SNX25: variants seen among roughly 807,000 people sequenced by gnomAD.
SNX25 encodes sorting nexin-25.
In SNX25, 62 loss-of-function variants were observed where a neutral mutation model predicts 113.7. That is an observed-to-expected ratio of 0.55 (90% CI 0.44 to 0.67). SNX25 has a LOEUF of 0.67. SNX25 is among the 30% of genes least tolerant of loss of function. SNX25 has a pLI of 0.00. For missense variants in SNX25, 1,014 were observed against 1,161.0 expected (o/e 0.87, Z 1.84); for synonymous variants, 421 against 436.2 (o/e 0.97, Z 0.43).
At position 185,227,962 on chromosome 4, in the gene SNX25, G is replaced by T. The variant is rs184862215; in HGVS notation, c.429+17707G>T. Among the ~76,000 whole-genome samples, 9 of 152,228 alleles carry T rather than the reference G, an allele frequency of 5.9e-5. No homozygotes were observed. In the East Asian group the frequency reaches 1.2e-3, roughly 20 times the overall value. ...AGGAGAGAAAGAGCATTTAGAGGCC[G>T]TGAGATGAAGAGAGAAGCTCAGAGA... is the stretch of plus-strand genomic sequence containing the variant. On this transcript the variant is annotated intron_variant, in intron 1 of 18. Coordinates refer to ENST00000652585, the MANE Select transcript of SNX25 (RefSeq NM_001378034.2).
rs774379820 is a variant in SNX25, at chr4:185,310,799, G to A, written c.1327G>A (p.Gly443Arg). The change falls in exon 7 of 19, where the codon GGG becomes AGG. Residue 443 changes from glycine (G) to arginine (R), a missense_variant. Gly to Arg is a moderately radical substitution (Grantham distance 125, BLOSUM62 -2). Transcript: ENST00000652585. ...GGATGGGGCCCTGGATGAGGGGGAA[G>A]GGCCTCAAAGCCAGAAGGTAGAACT... Reference protein sequence around the residue: ...QEDGALDEGEGPQSQKILQFE... With the variant: ...QEDGALDEGERPQSQKILQFE... 6.2e-6 allele frequency: 10 copies of A among 1,611,382 alleles called. No individual in the cohort carries two copies. Among genetic ancestry groups the A allele is most frequent in the Non-Finnish European group, 7.6e-6 (9 of 1,178,930 alleles).
At chr4:185,374,218 T>C (rs868704906), downstream of SNX25, 1 of 1,614,192 alleles carries the variant, frequency 6.2e-7, no homozygotes, top group Non-Finnish European at 8.5e-7. Context: ...GGATTTCCAT[T>C]GTCTGCTGCG....
At chr4:185,329,597 G>A (rs569658048) in intron 9 of SNX25, among the ~76,000 whole-genome samples, 1 of 152,320 alleles carries the variant, frequency 6.6e-6, no homozygotes, top group South Asian at 2.1e-4. Context: ...TTACGAATCG[G>A]CTGGATTAGT....
chr4:185,368,197 C>T (rs2095398139), downstream of SNX25, among the ~76,000 whole-genome samples: 1 of 152,058 alleles, frequency 6.6e-6, no homozygotes, highest in African/African-American at 2.4e-5. Flanking sequence ...AAAACTTTCC[C>T]TTATTTTAGG....
downstream of SNX25, chr4:185,364,644 GA>G (rs773380734): frequency 4.7e-4 from 72 of 152,078 alleles, no homozygotes; most frequent in Non-Finnish European, 7.9e-4. Context: ...TTATCCTTAA[GA>G]TTTTTTTAGT....
intron 9 of SNX25, among the ~76,000 whole-genome samples, chr4:185,329,031 C>T (rs1008231339): frequency 5.3e-5 from 8 of 151,902 alleles, no homozygotes; most frequent in South Asian, 2.1e-4. Context: ...AGGAGAGACC[C>T]GGGGAGGGTT....
chr4:185,217,037 T>G (rs2126319062), intron 1 of SNX25, among the ~76,000 whole-genome samples: 1 of 152,292 alleles, frequency 6.6e-6, no homozygotes. Flanking sequence ...ATTTTAGTCT[T>G]CAGGCATGGT....
chr4:185,317,893 G>A (rs899040083), intron 7 of SNX25, among the ~76,000 whole-genome samples: 1 of 152,058 alleles, frequency 6.6e-6, no homozygotes, highest in Admixed American at 6.5e-5. Context: ...CATGGCACAT[G>A]TATACCAGAA....
intron 2 of SNX25, among the ~76,000 whole-genome samples, chr4:185,248,945 CATA>C (rs1023673601): frequency 3.3e-5 from 5 of 152,188 alleles, no homozygotes; most frequent in African/African-American, 1.2e-4. Context: ...TTTCACTCAG[CATA>C]ATGTTTTTAG....
chr4:185,332,462 G>C (rs933365757), intron 9 of SNX25, 133 bp from the exon 10 acceptor site: 2 of 850,776 alleles, frequency 2.4e-6, no homozygotes, highest in African/African-American at 3.5e-5. Flanking sequence ...CTGAGAAAAA[G>C]CAGTCTAAAT....
At chr4:185,339,557 T>G in intron 11 of SNX25, 47 bp downstream of exon 11, 1 of 1,579,746 alleles carries the variant, frequency 6.3e-7, no homozygotes, top group Non-Finnish European at 8.6e-7. Context: ...AAGTTTGACT[T>G]TATTAAAAAA....
intron 6 of SNX25, among the ~76,000 whole-genome samples, chr4:185,297,215 G>A (rs941394236): frequency 1.3e-5 from 2 of 152,146 alleles, no homozygotes; most frequent in East Asian, 3.8e-4. Context: ...TGAATTAAAA[G>A]TAAGTACAAA....
intron 6 of SNX25, among the ~76,000 whole-genome samples, chr4:185,288,625 G>GTATA (rs556736409): frequency 6.7e-6 from 1 of 149,076 alleles, no homozygotes; most frequent in Admixed American, 6.7e-5. Context: ...GGGGGGTGGT[G>GTATA]TATATATATA....
chr4:185,221,286 G>A (rs1186850634), intron 1 of SNX25, among the ~76,000 whole-genome samples: 1 of 151,978 alleles, frequency 6.6e-6, no homozygotes, highest in African/African-American at 2.4e-5. Context: ...ATCTGCTTTG[G>A]CCTCCCAAAG....
At chr4:185,272,343 G>T (rs1749057578) in intron 5 of SNX25, among the ~76,000 whole-genome samples, 1 of 152,290 alleles carries the variant, frequency 6.6e-6, no homozygotes, top group African/African-American at 2.4e-5. Flanking sequence ...GTGTTCCCTT[G>T]TTTTCAAGAT....
intron 6 of SNX25, among the ~76,000 whole-genome samples, chr4:185,288,439 A>G (rs1055220631): frequency 1.3e-5 from 2 of 152,088 alleles, no homozygotes; most frequent in Non-Finnish European, 2.9e-5. Context: ...CATAATCTTG[A>G]TGGTCATTTA....
At chr4:185,288,606 TG>T (rs547718647) in intron 6 of SNX25, among the ~76,000 whole-genome samples, 1 of 61,802 alleles carries the variant, frequency 1.6e-5, no homozygotes, top group South Asian at 5.3e-4. Context: ...TAGGTTTTGT[TG>T]GGGGGTGGGG....
intron 17 of SNX25, 122 bp from the exon 18 acceptor site, chr4:185,362,489 T>A (rs1489128628): frequency 8.5e-7 from 1 of 1,173,674 alleles, no homozygotes; most frequent in African/African-American, 1.6e-5. Context: ...TGACCATTCA[T>A]GTTTCTCATG....
intron 1 of SNX25, among the ~76,000 whole-genome samples, chr4:185,225,730 G>A (rs781703403): frequency 6.6e-6 from 1 of 152,136 alleles, no homozygotes; most frequent in Non-Finnish European, 1.5e-5. Context: ...ACGTTACCCA[G>A]TTTAATTCTT....
Sources: allele counts gnomAD v4.1 joint callset (sites outside exome capture counted in the v4.1 genomes callset), GRCh38; gene constraint gnomAD v4.1.1; transcripts MANE v1.5; gene names NCBI Gene and HGNC (gene_info 2026-07-23, HGNC 2026-07-21).